The following EPB41L1 variants were observed in gnomAD, a reference collection of about 807,000 sequenced individuals.
EPB41L1 encodes erythrocyte membrane protein band 4.1 like 1, also known as band 4.1-like protein 1.
Under a neutral mutation model 97.8 loss-of-function variants are expected in EPB41L1, and 29 were observed. The observed-to-expected ratio is 0.30, with a 90% confidence interval of 0.22 to 0.40. The LOEUF is 0.40. Among genes scored for constraint, EPB41L1 ranks in the 10% least tolerant of loss-of-function variants. The probability of loss-of-function intolerance (pLI) is 1.00; values close to 1 mark genes in which losing one functional copy is unlikely to be tolerated. For missense variants in EPB41L1, 812 were observed against 1,162.3 expected (o/e 0.70, Z 4.38); for synonymous variants, 383 against 459.2 (o/e 0.83, Z 2.12).
Position 36,230,643 on chromosome 20 carries a change from G to A in EPB41L1, c.*1303G>A, listed in dbSNP as rs1394827346. On this transcript the variant is annotated 3_prime_UTR_variant, in exon 22 of 22. Transcript: ENST00000338074. ...CCCCTGGTAGTAACAGTCAGGGCCT[G>A]GTCTGTGCTCAGGTACTGGGTCCCA... 1.3e-5 allele frequency: 2 copies of A among 152,272 alleles called. No individual in the cohort carries two copies. The highest frequency in any genetic ancestry group is 2.9e-5 in the Non-Finnish European group (2 of 68,122). The allele number at this position is 152,272 out of a possible 1,614,324, so 9.4% of individuals were successfully genotyped here.
chr20:36,160,793 A>T (rs758375407), intron 1 of EPB41L1, among the ~76,000 whole-genome samples: 28 of 152,200 alleles, frequency 1.8e-4, no homozygotes, highest in Non-Finnish European at 3.5e-4. Context: ...GTAACTACAC[A>T]TTGACATCTT....
At chr20:36,095,705 T>C (rs1242510320) in intron 1 of EPB41L1, among the ~76,000 whole-genome samples, 3 of 152,220 alleles carry the variant, frequency 2.0e-5, no homozygotes, top group Non-Finnish European at 4.4e-5. Context: ...CTGTGGTTTT[T>C]TCACCTCACC....
At chr20:36,149,008 CACTGAGGGT>C (rs2059942612) in intron 2 of EPB41L1, among the ~76,000 whole-genome samples, 1 of 152,188 alleles carries the variant, frequency 6.6e-6, no homozygotes, top group African/African-American at 2.4e-5. Context: ...GCTTTGGAGA[CACTGAGGGT>C]ACTGAGGGGC....
intron 2 of EPB41L1, among the ~76,000 whole-genome samples, chr20:36,118,965 T>C (rs2058669103): frequency 6.6e-6 from 1 of 152,136 alleles, no homozygotes; most frequent in Non-Finnish European, 1.5e-5. Flanking sequence ...TTTAGAGAGT[T>C]GAAATAAGTT....
chr20:36,162,520 C>T (rs1290144610), intron 1 of EPB41L1, among the ~76,000 whole-genome samples: 2 of 152,162 alleles, frequency 1.3e-5, no homozygotes, highest in African/African-American at 2.4e-5. Flanking sequence ...TCACCTACTC[C>T]GTGTGGCCCT....
chr20:36,157,462 G>A (rs1369701328), intron 1 of EPB41L1, among the ~76,000 whole-genome samples: 1 of 152,236 alleles, frequency 6.6e-6, no homozygotes, highest in Non-Finnish European at 1.5e-5. Flanking sequence ...CAGCTGGAAA[G>A]TGCGAGGCGG....
intron 7 of EPB41L1, among the ~76,000 whole-genome samples, chr20:36,186,814 G>T (rs1452893920): frequency 6.6e-6 from 1 of 152,198 alleles, no homozygotes; most frequent in Admixed American, 6.5e-5. Context: ...GACATCTCGT[G>T]TCCAAGTATC....
At chr20:36,142,109 C>CA (rs578232990) in intron 2 of EPB41L1, among the ~76,000 whole-genome samples, 2,685 of 58,614 alleles carry the variant, frequency 0.046, 83 homozygotes, top group East Asian at 0.22. Context: ...AACTCCATCT[C>CA]AAAAAAAAAA....
At chr20:36,114,477 A>G (rs746222920) in intron 2 of EPB41L1, among the ~76,000 whole-genome samples, 7 of 152,134 alleles carry the variant, frequency 4.6e-5, no homozygotes, top group Non-Finnish European at 8.8e-5. Flanking sequence ...AGTAGTTATA[A>G]TACTGGCTTC....
intron 1 of EPB41L1, among the ~76,000 whole-genome samples, chr20:36,156,615 G>A (rs960673768): frequency 1.3e-5 from 2 of 152,172 alleles, no homozygotes; most frequent in Admixed American, 6.5e-5. Context: ...ACAGGACTCT[G>A]CCAAGGGCTA....
At chr20:36,112,558 C>T (rs1001772711) in intron 2 of EPB41L1, 1 of 152,202 alleles carries the variant, frequency 6.6e-6, no homozygotes, top group Admixed American at 6.5e-5. Context: ...CTCGGCCTCT[C>T]GATTTTTGAC....
intron 2 of EPB41L1, among the ~76,000 whole-genome samples, chr20:36,174,571 C>A (rs1164248219): frequency 2.0e-5 from 3 of 150,884 alleles, no homozygotes; most frequent in African/African-American, 7.3e-5. Flanking sequence ...CCATGCCTGG[C>A]CTTTTTTTTT....
At chr20:36,145,150 A>C (rs1410757209) in intron 2 of EPB41L1, among the ~76,000 whole-genome samples, 1 of 151,978 alleles carries the variant, frequency 6.6e-6, no homozygotes, top group Non-Finnish European at 1.5e-5. Flanking sequence ...GTTCCCAGAT[A>C]AGGCTGGGTG....
chr20:36,178,105 T>A (rs771600804), intron 4 of EPB41L1, 49 bp downstream of exon 4: 20 of 1,413,758 alleles, frequency 1.4e-5, no homozygotes, highest in Non-Finnish European at 2.0e-5. Flanking sequence ...GTTAGGCTCC[T>A]GTAATCCTGG....
rs117489899 is a variant in EPB41L1 at position 36,161,109 on chromosome 20, G to A, written c.-15+6213G>A. ...CTCCTCTCCTCACTGGAGCCTGGGG[G>A]AACTGGTCTTGGAGGAGGCCATCTC... On this transcript the variant is annotated intron_variant, in intron 1 of 21. Coordinates refer to ENST00000338074, the MANE Select transcript of EPB41L1 (RefSeq NM_012156.2). Among the ~76,000 whole-genome samples the A allele has an allele frequency of 4.3e-4, 65 of 152,338 alleles. No individual in the cohort carries two copies. The East Asian group carries it at 0.012, about 28-fold the overall frequency.
chr20:36,227,853 G>T (rs1009808178), intron 21 of EPB41L1, among the ~76,000 whole-genome samples: 1 of 152,202 alleles, frequency 6.6e-6, no homozygotes, highest in Non-Finnish European at 1.5e-5. Context: ...CAGGTCAGAC[G>T]TCTGGTTTCT....
intron 2 of EPB41L1, among the ~76,000 whole-genome samples, chr20:36,114,784 G>T (rs1040155695): frequency 1.3e-5 from 2 of 152,114 alleles, no homozygotes; most frequent in African/African-American, 4.8e-5. Flanking sequence ...TCAATCCAAG[G>T]GAAGGACTCT....
rs950828460 is a variant in EPB41L1 at position 36,185,037 on chromosome 20, A to C, written c.567-80A>C. On this transcript the variant is annotated intron_variant, in intron 6 of 21. Transcript: ENST00000338074. ...TTTTCTGCTGAGCTATGTTCTATTT[A>C]GTTCTGATGGACAGCTGTGCTTGGG... is the stretch of plus-strand genomic sequence containing the variant. 26 of 1,388,132 alleles carry C rather than the reference A, an allele frequency of 1.9e-5. No individual in the cohort carries two copies. In the East Asian group the frequency reaches 5.7e-4, roughly 30 times the overall value. The allele number at this position is 1,388,132 out of a possible 1,614,324, so 86.0% of individuals were successfully genotyped here. A position where few individuals can be genotyped will look rare whatever the true frequency, so the allele number is the denominator to read the frequency against.
chr20:36,168,343 T>C lies in EPB41L1; in HGVS notation c.-14-5421T>C, dbSNP rs1290596807. 2.0e-5 allele frequency among the ~76,000 whole-genome samples: 3 copies of C among 152,206 alleles called. No individual in the cohort carries two copies. The East Asian group carries it at 5.8e-4, about 29-fold the overall frequency. On this transcript the variant is annotated intron_variant, in intron 1 of 21. Coordinates refer to ENST00000338074, the MANE Select transcript of EPB41L1 (RefSeq NM_012156.2). ...TTTCTAATCCTGTGCATTAGGCCTT[T>C]CATATGTTAGTGTCATCAGTCTGGC...
Sources: gnomAD v4.1 joint callset for allele counts (sites outside exome capture counted in the v4.1 genomes callset) on GRCh38, gnomAD v4.1.1 for gene constraint, MANE v1.5 for transcripts, NCBI Gene and HGNC (gene_info 2026-07-23, HGNC 2026-07-21) for gene names.